The following ADAMTS12 variants were observed in gnomAD, a reference collection of about 807,000 sequenced individuals.
The protein encoded by ADAMTS12 is A disintegrin and metalloproteinase with thrombospondin motifs 12.
Under a neutral mutation model 167.8 loss-of-function variants are expected in ADAMTS12, and 118 were observed. That is an observed-to-expected ratio of 0.70 (90% confidence interval 0.61 to 0.82). ADAMTS12 has a LOEUF of 0.82. Ranked by LOEUF, ADAMTS12 falls within the 40% of genes least tolerant of loss-of-function variation. ADAMTS12 has a pLI of 0.00. For synonymous variants in ADAMTS12, 704 were observed against 716.9 expected, an observed-to-expected ratio of 0.98 and a Z score of 0.29; for missense variants, 1,916 against 1,998.8, an observed-to-expected ratio of 0.96 and a Z score of 0.79.
intron 2 of ADAMTS12, among the ~76,000 whole-genome samples, chr5:33,824,966 G>C (rs1161334789): frequency 6.6e-6 from 1 of 152,158 alleles, no homozygotes; most frequent in Admixed American, 6.6e-5. Flanking sequence ...ACCACTGGAA[G>C]GAGAGTTATT....
chr5:33,757,976 C>T (rs887510799), intron 2 of ADAMTS12, among the ~76,000 whole-genome samples: 5 of 152,144 alleles, frequency 3.3e-5, no homozygotes, highest in African/African-American at 1.2e-4. Context: ...ATCTGCTTGA[C>T]TCATCTCTTT....
chr5:33,778,199 C>T (rs1745985055), intron 2 of ADAMTS12, among the ~76,000 whole-genome samples: 1 of 151,942 alleles, frequency 6.6e-6, no homozygotes. Flanking sequence ...CCTCAGAAGA[C>T]CCCCTCATAG....
intron 12 of ADAMTS12, among the ~76,000 whole-genome samples, chr5:33,637,202 A>G (rs2112161950): frequency 6.6e-6 from 1 of 152,286 alleles, no homozygotes; most frequent in South Asian, 2.1e-4. Flanking sequence ...CTTCAAACCC[A>G]CAATGACCTT....
chr5:33,747,634 T>C (rs544518771), intron 3 of ADAMTS12, among the ~76,000 whole-genome samples: 68 of 152,250 alleles, frequency 4.5e-4, no homozygotes, highest in Admixed American at 4.6e-4. Context: ...AGTCCAAGCC[T>C]GAAAGCAGTT....
intron 3 of ADAMTS12, among the ~76,000 whole-genome samples, chr5:33,744,715 T>C (rs991919433): frequency 6.6e-6 from 1 of 152,278 alleles, no homozygotes; most frequent in Admixed American, 6.5e-5. Flanking sequence ...TGTGAGTTGG[T>C]TGAGGACACA....
rs966759449 is a variant in ADAMTS12 at position 33,648,843 on chromosome 5, A to G, written c.1458T>C (p.Ala486=). The part of the protein sequence containing the change: ...HQCQLQYGPN[A]TFCQEVENVC... ...TTACTTCTACTTCCTGGCAGAAGGT[A>G]GCATTGGGTCCATATTGTAGCTGGC... is the stretch of plus-strand genomic sequence containing the variant. Residue 486 remains alanine, a synonymous_variant, in exon 9 of 24, where the codon GCT becomes GCC. Transcript: ENST00000504830. The G allele has an allele frequency of 1.2e-6, 2 of 1,613,912 alleles. No individual in the cohort carries two copies. The highest frequency in any genetic ancestry group is 1.1e-5 in the South Asian group (1 of 91,070).
chr5:33,635,725 T>C (rs1740157242), intron 12 of ADAMTS12, among the ~76,000 whole-genome samples: 1 of 152,172 alleles, frequency 6.6e-6, no homozygotes, highest in Non-Finnish European at 1.5e-5. Context: ...TAAATCCTTG[T>C]TGACATGAAC....
intron 2 of ADAMTS12, among the ~76,000 whole-genome samples, chr5:33,759,300 G>A (rs1487559091): frequency 2.0e-5 from 3 of 152,220 alleles, no homozygotes; most frequent in Non-Finnish European, 2.9e-5. Context: ...CTGGCCTCCT[G>A]TATTTCCTGC....
intron 2 of ADAMTS12, among the ~76,000 whole-genome samples, chr5:33,795,671 C>CT (rs1186800989): frequency 6.6e-6 from 1 of 152,150 alleles, no homozygotes; most frequent in Non-Finnish European, 1.5e-5. Context: ...AATGGGGGAG[C>CT]TGGGATGTGG....
intron 3 of ADAMTS12, 123 bp downstream of exon 3, chr5:33,751,281 T>G: frequency 8.8e-7 from 1 of 1,139,272 alleles, no homozygotes; most frequent in East Asian, 2.6e-5. Context: ...GTCATGAAGA[T>G]ATTAAAAAAA....
rs1354221392 is a variant in ADAMTS12, at chr5:33,782,652, A to G, written c.490-31104T>C. ...AAGAGCTAGGTTGACTACATTAATA[A>G]CAAAAAATATTTTAAGGTAAGAAAT... is the stretch of plus-strand genomic sequence containing the variant. On this transcript the variant is annotated intron_variant, in intron 2 of 23. Transcript: ENST00000504830. Among the ~76,000 whole-genome samples, 4 of 152,102 alleles carry G rather than the reference A, an allele frequency of 2.6e-5. No homozygotes were observed. In the East Asian group the frequency reaches 7.7e-4, roughly 29 times the overall value.
At chr5:33,841,603 C>T (rs1392844636) in intron 2 of ADAMTS12, among the ~76,000 whole-genome samples, 7 of 152,104 alleles carry the variant, frequency 4.6e-5, no homozygotes, top group Non-Finnish European at 2.9e-5. Flanking sequence ...TATTTTTATC[C>T]TACTGCTCAA....
At chr5:33,621,635 G>A (rs1433393841) in intron 14 of ADAMTS12, among the ~76,000 whole-genome samples, 1 of 152,088 alleles carries the variant, frequency 6.6e-6, no homozygotes, top group Non-Finnish European at 1.5e-5. Flanking sequence ...TTAACCCTGG[G>A]CAACTTATCT....
At chr5:33,750,015 A>T (rs1744921958) in intron 3 of ADAMTS12, among the ~76,000 whole-genome samples, 1 of 152,168 alleles carries the variant, frequency 6.6e-6, no homozygotes, top group African/African-American at 2.4e-5. Context: ...AGTGATTTAA[A>T]AGGTATAAAA....
intron 2 of ADAMTS12, among the ~76,000 whole-genome samples, chr5:33,829,292 C>T (rs530760166): frequency 6.6e-6 from 1 of 152,150 alleles, no homozygotes; most frequent in Non-Finnish European, 1.5e-5. Context: ...GACGGGGCAT[C>T]CTAACCTGCC....
At chr5:33,868,346 C>T (rs1392928167) in intron 2 of ADAMTS12, among the ~76,000 whole-genome samples, 1 of 152,102 alleles carries the variant, frequency 6.6e-6, no homozygotes, top group East Asian at 1.9e-4. Context: ...TTAGAACTTC[C>T]AGGAGACTTG....
At position 33,650,518 on chromosome 5, in the gene ADAMTS12, T is replaced by C. The variant is rs114727639; in HGVS notation, c.1191-821A>G. Among the ~76,000 whole-genome samples, 1,285 of 152,360 alleles carry C rather than the reference T, an allele frequency of 8.4e-3. 23 individuals are homozygous for C. The highest frequency in any genetic ancestry group is 0.029 in the African/African-American group (1,222 of 41,594). ...GAAAAAGTTTAGACTTTGAGATTTG[T>C]CAACAATCATATAGCTTGTTAGTGG... On this transcript the variant is annotated intron_variant, in intron 7 of 23. Coordinates refer to ENST00000504830, the MANE Select transcript of ADAMTS12 (RefSeq NM_030955.4).
At chr5:33,615,678 C>T (rs1738964814) in intron 15 of ADAMTS12, 150 bp downstream of exon 15, 1 of 1,137,074 alleles carries the variant, frequency 8.8e-7, no homozygotes, top group Non-Finnish European at 1.2e-6. Context: ...GGATTAACAG[C>T]ACAAACTAAT....
At chr5:33,797,824 A>G (rs1030019032) in intron 2 of ADAMTS12, among the ~76,000 whole-genome samples, 18 of 152,258 alleles carry the variant, frequency 1.2e-4, no homozygotes, top group African/African-American at 4.3e-4. Flanking sequence ...TAGAGAGCAT[A>G]GCCCAACTCC....
Sources: gnomAD v4.1 joint callset for allele counts (sites outside exome capture counted in the v4.1 genomes callset) on GRCh38, gnomAD v4.1.1 for gene constraint, MANE v1.5 for transcripts, NCBI Gene and HGNC (gene_info 2026-07-23, HGNC 2026-07-21) for gene names.